RBPJ: variants seen among roughly 807,000 people sequenced by gnomAD.
The protein encoded by RBPJ is recombining binding protein suppressor of hairless.
Under a neutral mutation model 67.8 loss-of-function variants are expected in RBPJ, and 9 were observed. That is an observed-to-expected ratio of 0.13 (90% CI 0.08 to 0.23). The LOEUF is 0.23. RBPJ is among the 10% of genes least tolerant of loss of function. The probability of loss-of-function intolerance (pLI) is 1.00; values close to 1 mark genes in which losing one functional copy is unlikely to be tolerated. For missense variants in RBPJ, 305 were observed against 595.6 expected, an observed-to-expected ratio of 0.51 and a Z score of 5.08; for synonymous variants, 198 against 203.3, an observed-to-expected ratio of 0.97 and a Z score of 0.22.
intron 1 of RBPJ, among the ~76,000 whole-genome samples, chr4:26,235,583 G>A (rs888628057): frequency 6.6e-6 from 1 of 152,176 alleles, no homozygotes; most frequent in African/African-American, 2.4e-5. Context: ...CTGGCCTTAG[G>A]CAAATCAGTG....
chr4:26,199,715 T>C (rs924331442), intron 1 of RBPJ, among the ~76,000 whole-genome samples: 2 of 152,204 alleles, frequency 1.3e-5, no homozygotes, highest in African/African-American at 4.8e-5. Flanking sequence ...TTCAAAAACC[T>C]GGCAAGTGGT....
chr4:26,395,000 A>G (rs1316868564), intron 2 of RBPJ, among the ~76,000 whole-genome samples: 3 of 152,146 alleles, frequency 2.0e-5, no homozygotes, highest in Admixed American at 6.5e-5. Context: ...ACTTTTTGCA[A>G]AGCCCATCTT....
chr4:26,353,721 G>A (rs1727048590), intron 1 of RBPJ, among the ~76,000 whole-genome samples: 1 of 150,396 alleles, frequency 6.6e-6, no homozygotes, highest in African/African-American at 2.5e-5. Flanking sequence ...CAATTCTCCT[G>A]CCTCAGCCTC....
chr4:26,109,670 A>C, the RBPJ span, among the ~76,000 whole-genome samples: 756 of 43,098 alleles, frequency 0.018, 52 homozygotes, highest in Non-Finnish European at 0.026. Flanking sequence ...CTCTCTCTCT[A>C]TATATATATA....
At chr4:26,212,601 C>T (rs1718468399) in intron 1 of RBPJ, among the ~76,000 whole-genome samples, 1 of 151,936 alleles carries the variant, frequency 6.6e-6, no homozygotes, top group South Asian at 2.1e-4. Context: ...TTAATCTTTC[C>T]CTGCCTTTCT....
chr4:26,123,395 G>A, the RBPJ span, among the ~76,000 whole-genome samples: 1 of 152,116 alleles, frequency 6.6e-6, no homozygotes, highest in Non-Finnish European at 1.5e-5. Flanking sequence ...AGTTGTTCTG[G>A]GTGAGTCTGA....
chr4:26,334,308 C>T (rs1724574187), intron 1 of RBPJ, among the ~76,000 whole-genome samples: 1 of 151,960 alleles, frequency 6.6e-6, no homozygotes, highest in African/African-American at 2.4e-5. Flanking sequence ...TTCCAAGGTG[C>T]TGGGATTACA....
chr4:26,174,761 T>C (rs1421209577), intron 1 of RBPJ, among the ~76,000 whole-genome samples: 1 of 152,200 alleles, frequency 6.6e-6, no homozygotes, highest in Non-Finnish European at 1.5e-5. Flanking sequence ...TGAGCCACTG[T>C]GCCCGGCCCA....
chr4:26,347,635 C>T (rs1726304071), intron 1 of RBPJ, among the ~76,000 whole-genome samples: 1 of 152,126 alleles, frequency 6.6e-6, no homozygotes, highest in African/African-American at 2.4e-5. Flanking sequence ...CTTTTAAGAG[C>T]AGTTCTTTTA....
At chr4:26,369,236 T>G (rs923807194) in intron 1 of RBPJ, among the ~76,000 whole-genome samples, 1 of 152,238 alleles carries the variant, frequency 6.6e-6, no homozygotes, top group Non-Finnish European at 1.5e-5. Flanking sequence ...GTAATCTTAT[T>G]TTGAAATGAT....
intron 1 of RBPJ, among the ~76,000 whole-genome samples, chr4:26,211,098 A>T (rs1718406855): frequency 6.6e-6 from 1 of 152,074 alleles, no homozygotes; most frequent in African/African-American, 2.4e-5. Context: ...TCCAACCCAG[A>T]TTATTGTTAC....
chr4:26,169,900 G>A (rs1459165331), intron 1 of RBPJ, among the ~76,000 whole-genome samples: 2 of 152,134 alleles, frequency 1.3e-5, no homozygotes, highest in Non-Finnish European at 2.9e-5. Context: ...ATAATCTCCT[G>A]GTGTGCCATT....
At chr4:26,198,065 C>T (rs577626846) in intron 1 of RBPJ, among the ~76,000 whole-genome samples, 2 of 152,078 alleles carry the variant, frequency 1.3e-5, no homozygotes, top group South Asian at 2.1e-4. Context: ...CGAGACCAGC[C>T]TCAACATGGA....
At chr4:26,115,251 C>G in the RBPJ span, among the ~76,000 whole-genome samples, 1 of 152,204 alleles carries the variant, frequency 6.6e-6, no homozygotes, top group African/African-American at 2.4e-5. Flanking sequence ...CTGACATAAA[C>G]AAATGCCTAT....
intron 3 of RBPJ, among the ~76,000 whole-genome samples, chr4:26,410,846 A>C (rs1733939440): frequency 6.6e-6 from 1 of 152,262 alleles, no homozygotes; most frequent in South Asian, 2.1e-4. Context: ...CTGAAAATAA[A>C]GACAACTGTG....
At position 26,301,835 on chromosome 4, in the gene RBPJ, C is replaced by T. The variant is rs542178734; in HGVS notation, c.-166-60611C>T. 2.6e-5 allele frequency among the ~76,000 whole-genome samples: 4 copies of T among 151,918 alleles called. No individual in the cohort carries two copies. The East Asian group carries it at 5.9e-4, about 22-fold the overall frequency. ...TGAGACCATGTCTCACTCTGTTGCC[C>T]AGGCTGGAGTGCAGTGGCGCAACCT... On this transcript the variant is annotated intron_variant, in intron 1 of 4. Coordinates refer to the RBPJ transcript ENST00000512351.
intron 1 of RBPJ, among the ~76,000 whole-genome samples, chr4:26,193,082 G>A (rs112575621): frequency 2.0e-5 from 3 of 152,252 alleles, no homozygotes; most frequent in African/African-American, 7.2e-5. Context: ...CCTAGAGGCT[G>A]GGACATTCAG....
At chr4:26,266,975 T>C (rs762723118) in intron 1 of RBPJ, among the ~76,000 whole-genome samples, 1 of 152,248 alleles carries the variant, frequency 6.6e-6, no homozygotes, top group Non-Finnish European at 1.5e-5. Context: ...GAGGTTCTTT[T>C]CTTCTCTTCT....
At chr4:26,275,576 C>G (rs1012334527) in intron 1 of RBPJ, among the ~76,000 whole-genome samples, 1 of 152,180 alleles carries the variant, frequency 6.6e-6, no homozygotes, top group Non-Finnish European at 1.5e-5. Context: ...AAAGAGGTAT[C>G]TTGACATAAC....
Sources: gnomAD v4.1 joint callset for allele counts (sites outside exome capture counted in the v4.1 genomes callset) on GRCh38, gnomAD v4.1.1 for gene constraint, MANE v1.5 for transcripts, NCBI Gene and HGNC (gene_info 2026-07-23, HGNC 2026-07-21) for gene names.